The following SEL1L3 variants were observed in gnomAD, a reference collection of about 807,000 sequenced individuals.
SEL1L3 encodes the protein protein sel-1 homolog 3.
SEL1L3 carries 76 observed loss-of-function variants against 142.8 expected under a neutral mutation model. The ratio of observed to expected loss-of-function variants is 0.53; its 90% CI spans 0.44 to 0.64. SEL1L3 has a LOEUF of 0.64. Ranked by LOEUF, SEL1L3 falls within the 30% of genes least tolerant of loss-of-function variation. SEL1L3 has a pLI of 0.00. For synonymous variants in SEL1L3, 504 were observed against 519.6 expected, an observed-to-expected ratio of 0.97 and a Z score of 0.41; for missense variants, 1,262 against 1,381.7, an observed-to-expected ratio of 0.91 and a Z score of 1.37.
chr4:25,782,454 A>C (rs561281379), intron 14 of SEL1L3, 36 bp from the exon 15 acceptor site: 1 of 1,587,446 alleles, frequency 6.3e-7, no homozygotes, highest in Non-Finnish European at 8.6e-7. Flanking sequence ...TAACTTTAGA[A>C]AAATGAAATC....
intron 2 of SEL1L3, among the ~76,000 whole-genome samples, chr4:25,842,325 G>C (rs1012521150): frequency 1.3e-5 from 2 of 151,652 alleles, no homozygotes; most frequent in African/African-American, 4.8e-5. Context: ...TGAAATAGGG[G>C]CATGATTTTG....
chr4:25,761,122 C>A lies in SEL1L3; in HGVS notation c.2956-2054G>T, dbSNP rs183577584. ...GCAGAAAATAGACTATTTCTGCACTCTTTGAAAGGAAGGCACTCTTAAAAT... is the reference window on the plus strand; with the variant it reads ...GCAGAAAATAGACTATTTCTGCACTATTTGAAAGGAAGGCACTCTTAAAAT... On this transcript the variant is annotated intron_variant, in intron 20 of 23. Coordinates refer to ENST00000399878, the MANE Select transcript of SEL1L3 (RefSeq NM_015187.5). Among the ~76,000 whole-genome samples the A allele has an allele frequency of 2.0e-5, 3 of 152,274 alleles. No homozygotes were observed. The East Asian group carries it at 5.8e-4, about 29-fold the overall frequency.
At chr4:25,851,838 G>C (rs951791501) in intron 1 of SEL1L3, among the ~76,000 whole-genome samples, 1 of 142,994 alleles carries the variant, frequency 7.0e-6, no homozygotes, top group Non-Finnish European at 1.5e-5. Flanking sequence ...GCAGTGAGCC[G>C]ATATCGTGCC....
chr4:25,739,837 C>CA, the SEL1L3 span, among the ~76,000 whole-genome samples: 4 of 151,628 alleles, frequency 2.6e-5, no homozygotes, highest in African/African-American at 9.7e-5. Flanking sequence ...TACATTCACA[C>CA]ATGTACATAT....
chr4:25,801,298 G>A (rs1713166715), intron 11 of SEL1L3, among the ~76,000 whole-genome samples: 1 of 152,230 alleles, frequency 6.6e-6, no homozygotes, highest in South Asian at 2.1e-4. Context: ...AGCAACTCAG[G>A]AGGCTGAGGC....
intron 13 of SEL1L3, among the ~76,000 whole-genome samples, chr4:25,787,944 G>A (rs150367216): frequency 3.3e-5 from 5 of 152,324 alleles, no homozygotes; most frequent in African/African-American, 9.6e-5. Context: ...GCGGCTGAGC[G>A]CCAATCAATA....
At chr4:25,829,926 T>C (rs925084249) in intron 6 of SEL1L3, among the ~76,000 whole-genome samples, 172 bp downstream of exon 6, 1 of 149,794 alleles carries the variant, frequency 6.7e-6, no homozygotes, top group African/African-American at 2.6e-5. Flanking sequence ...AAAGAGTTTG[T>C]GCATGGTAGG....
At chr4:25,737,159 AT>A in the SEL1L3 span, among the ~76,000 whole-genome samples, 1 of 151,838 alleles carries the variant, frequency 6.6e-6, no homozygotes, top group South Asian at 2.1e-4. Flanking sequence ...TAATATTTGT[AT>A]TTTTAGTAGA....
rs539452076 is a variant in SEL1L3, at chr4:25,747,529, C to G, written c.*896G>C. 2.0e-4 allele frequency: 30 copies of G among 152,110 alleles called. No homozygotes were observed. The highest frequency in any genetic ancestry group is 7.0e-4 in the African/African-American group (29 of 41,482). The allele number at this position is 152,110 out of a possible 1,614,324, so 9.4% of individuals were successfully genotyped here. A position where few individuals can be genotyped will look rare whatever the true frequency, so the allele number is the denominator to read the frequency against. ...ATTGCATTACTGATTTATTCACTAC[C>G]TTAGCAGCATGTAGTATACAGACAT... On this transcript the variant is annotated 3_prime_UTR_variant, in exon 24 of 24. Transcript: ENST00000399878.
At chr4:25,728,487 C>T in the SEL1L3 span, among the ~76,000 whole-genome samples, 1 of 152,128 alleles carries the variant, frequency 6.6e-6, no homozygotes, top group African/African-American at 2.4e-5. Flanking sequence ...ACATCCTCAC[C>T]CCCATGCCCT....
chr4:25,778,395 G>T (rs1480234502), intron 16 of SEL1L3, among the ~76,000 whole-genome samples: 1 of 151,972 alleles, frequency 6.6e-6, no homozygotes, highest in African/African-American at 2.4e-5. Flanking sequence ...AGGAGAATTT[G>T]GAGATCAAAT....
intron 23 of SEL1L3, 67 bp downstream of exon 23, chr4:25,757,457 CAAAAAAAAAA>C (rs879068722): frequency 2.2e-5 from 9 of 408,854 alleles, no homozygotes; most frequent in African/African-American, 1.2e-4. Flanking sequence ...TCCAGTAGAC[CAAAAAAAAAA>C]AAAAAAAAAA....
Position 25,845,924 on chromosome 4 carries a change from T to A in SEL1L3, c.733+1370A>T, listed in dbSNP as rs1033745848. 3.3e-5 allele frequency among the ~76,000 whole-genome samples: 5 copies of A among 152,182 alleles called. No homozygotes were observed. The East Asian group carries it at 9.7e-4, about 29-fold the overall frequency. On this transcript the variant is annotated intron_variant, in intron 2 of 23. Transcript: ENST00000399878. ...GCCCACAGGTTCTCAAGTTTTAGGG[T>A]GCATTAGAGTCGTGAGGAAGGTGTT...
chr4:25,782,394 G>A lies in SEL1L3; in HGVS notation c.2305C>T (p.Leu769=), dbSNP rs1720065508. 1 of 1,613,540 alleles carries A rather than the reference G, an allele frequency of 6.2e-7. No homozygotes were observed. Among genetic ancestry groups the A allele is most frequent in the African/African-American group, 1.3e-5 (1 of 74,880 alleles). The part of the protein sequence containing the change: ...SKGLHQAVNG[L]GWYYHKFKKN... ...TTGAATTTGTGGTAATACCATCCCA[G>A]GCCATTGACTGCCTGATGCAATCCC... The change falls in exon 15 of 24, where the codon CTG becomes TTG. Residue 769 remains leucine, a synonymous_variant. Coordinates refer to ENST00000399878, the MANE Select transcript of SEL1L3 (RefSeq NM_015187.5).
chr4:25,793,036 C>T (rs1223680282), intron 11 of SEL1L3, among the ~76,000 whole-genome samples: 1 of 152,180 alleles, frequency 6.6e-6, no homozygotes, highest in Non-Finnish European at 1.5e-5. Context: ...ATTGTTTTGC[C>T]CAGATTGACT....
At chr4:25,815,696 G>A (rs924142085) in intron 9 of SEL1L3, among the ~76,000 whole-genome samples, 2 of 151,966 alleles carry the variant, frequency 1.3e-5, no homozygotes, top group Non-Finnish European at 2.9e-5. Flanking sequence ...GGGGCATGGG[G>A]CTTCGTCACC....
chr4:25,739,022 G>T, the SEL1L3 span, among the ~76,000 whole-genome samples: 1 of 151,854 alleles, frequency 6.6e-6, no homozygotes, highest in African/African-American at 2.4e-5. Flanking sequence ...TGACCAACAT[G>T]GAGAAACCCT....
chr4:25,766,998 A>G (rs1289249597), intron 19 of SEL1L3, among the ~76,000 whole-genome samples: 1 of 152,216 alleles, frequency 6.6e-6, no homozygotes, highest in African/African-American at 2.4e-5. Flanking sequence ...TTGACTCAGA[A>G]GAAATGTTGG....
intron 1 of SEL1L3, among the ~76,000 whole-genome samples, chr4:25,858,576 TTTTGTTTG>T (rs372387427): frequency 1.8e-4 from 28 of 151,792 alleles, no homozygotes; most frequent in African/African-American, 5.8e-4. Flanking sequence ...TTTTTGATTT[TTTTGTTTG>T]TTTGTTTGTT....
Sources: allele counts gnomAD v4.1 joint callset (sites outside exome capture counted in the v4.1 genomes callset), GRCh38; gene constraint gnomAD v4.1.1; transcripts MANE v1.5; gene names NCBI Gene and HGNC (gene_info 2026-07-23, HGNC 2026-07-21).